Variants in KCNAB1 observed in about 807,000 individuals in gnomAD.
KCNAB1 encodes the protein voltage-gated potassium channel subunit beta-1.
KCNAB1 carries 35 observed loss-of-function variants against 64.6 expected under a neutral mutation model. That is an observed-to-expected ratio of 0.54 (90% CI 0.41 to 0.72). The LOEUF (loss-of-function observed/expected upper bound fraction) is 0.72, where lower values mean the gene tolerates loss of function less well. KCNAB1 is among the 30% of genes least tolerant of loss of function. The pLI, the probability that KCNAB1 is intolerant of heterozygous loss-of-function variation, is 0.00. For missense variants in KCNAB1, 401 were observed against 512.9 expected, an observed-to-expected ratio of 0.78 and a Z score of 2.11; for synonymous variants, 177 against 183.8, an observed-to-expected ratio of 0.96 and a Z score of 0.30.
rs1005414509 is a variant in KCNAB1 at position 156,179,162 on chromosome 3, T to A, written c.275+58276T>A. Among the ~76,000 whole-genome samples the A allele has an allele frequency of 5.9e-5, 9 of 152,180 alleles. No individual in the cohort carries two copies. In the South Asian group the frequency reaches 1.2e-3, roughly 21 times the overall value. ...ATTGAAATAGATATGAATTTATTGATGAATTGAAATTCAAGGAATATTTAC... is the reference window on the plus strand; with the variant it reads ...ATTGAAATAGATATGAATTTATTGAAGAATTGAAATTCAAGGAATATTTAC... On this transcript the variant is annotated intron_variant, in intron 1 of 13. Coordinates refer to ENST00000490337, the MANE Select transcript of KCNAB1 (RefSeq NM_172160.3).
chr3:156,184,100 T>A (rs965071716), intron 1 of KCNAB1, among the ~76,000 whole-genome samples: 4 of 152,236 alleles, frequency 2.6e-5, no homozygotes, highest in African/African-American at 9.6e-5. Context: ...ACTATTATTG[T>A]ACAAGTGGTG....
intron 1 of KCNAB1, among the ~76,000 whole-genome samples, chr3:156,187,015 C>A (rs1441955371): frequency 6.6e-6 from 1 of 151,990 alleles, no homozygotes; most frequent in African/African-American, 2.4e-5. Flanking sequence ...CCACACCTGG[C>A]TAATTTCTTT....
chr3:156,175,702 T>C lies in KCNAB1; in HGVS notation c.275+54816T>C, dbSNP rs1252910511. The stretch of plus-strand genomic sequence containing the variant: ...GCTTGCCTTAGTCATCCTGGTGAAA[T>C]GGGATAGCAGTGGTTTTTGGAATAT... On this transcript the variant is annotated intron_variant, in intron 1 of 13. Coordinates refer to ENST00000490337, the MANE Select transcript of KCNAB1 (RefSeq NM_172160.3). The C allele has an allele frequency of 2.1e-5, 11 of 518,760 alleles. No homozygotes were observed. In the East Asian group the frequency reaches 4.1e-4, roughly 19 times the overall value. The allele number at this position is 518,760 out of a possible 1,614,324, so 32.1% of individuals were successfully genotyped here.
chr3:156,424,149 A>G lies in KCNAB1; in HGVS notation c.319+2490A>G, dbSNP rs901394040. On this transcript the variant is annotated intron_variant, in intron 2 of 13. Coordinates refer to ENST00000490337, the MANE Select transcript of KCNAB1 (RefSeq NM_172160.3). ...GATCATCTTTGGGGTCACTGAACTC[A>G]CTAAAAAGTACAGCAAAACTAACAT... Among the ~76,000 whole-genome samples, 18 of 152,158 alleles carry G rather than the reference A, an allele frequency of 1.2e-4. 1 individual carries two copies. Among genetic ancestry groups the G allele is most frequent in the African/African-American group, 3.1e-4 (13 of 41,420 alleles).
intron 11 of KCNAB1, among the ~76,000 whole-genome samples, chr3:156,520,756 T>G (rs1226233913): frequency 6.6e-6 from 1 of 152,242 alleles, no homozygotes; most frequent in Non-Finnish European, 1.5e-5. Context: ...GGCTCTAGCA[T>G]TTTACCTAGA....
intron 1 of KCNAB1, among the ~76,000 whole-genome samples, chr3:156,344,379 T>C (rs1467861851): frequency 6.6e-6 from 1 of 152,238 alleles, no homozygotes; most frequent in Non-Finnish European, 1.5e-5. Flanking sequence ...TTTCCTGTTC[T>C]GAAAGCTGCT....
At chr3:156,130,670 G>T (rs966688506) in intron 1 of KCNAB1, among the ~76,000 whole-genome samples, 1 of 152,242 alleles carries the variant, frequency 6.6e-6, no homozygotes, top group Admixed American at 6.5e-5. Context: ...CCTAGTTTGG[G>T]TTGATTATTG....
chr3:156,324,288 C>T (rs1383271773), intron 1 of KCNAB1, among the ~76,000 whole-genome samples: 1 of 152,090 alleles, frequency 6.6e-6, no homozygotes, highest in East Asian at 1.9e-4. Context: ...TTCTCACAAG[C>T]CTTTAGAGTC....
intron 1 of KCNAB1, among the ~76,000 whole-genome samples, chr3:156,246,845 T>C (rs947434281): frequency 6.6e-6 from 1 of 152,144 alleles, no homozygotes; most frequent in African/African-American, 2.4e-5. Flanking sequence ...AGGTAGTGAG[T>C]GTTTATAAAC....
intron 1 of KCNAB1, among the ~76,000 whole-genome samples, chr3:156,377,800 T>C (rs913329699): frequency 1.3e-5 from 2 of 151,860 alleles, no homozygotes; most frequent in South Asian, 4.2e-4. Flanking sequence ...AAAGGCCCAG[T>C]AAAGCTTCCA....
chr3:156,202,200 C>T (rs1714378662), intron 1 of KCNAB1, among the ~76,000 whole-genome samples: 2 of 152,196 alleles, frequency 1.3e-5, no homozygotes, highest in Admixed American at 1.3e-4. Context: ...TACCACTTCT[C>T]TAAGCAGCTC....
chr3:156,448,185 C>T (rs1202984565), intron 2 of KCNAB1, among the ~76,000 whole-genome samples: 5 of 152,200 alleles, frequency 3.3e-5, no homozygotes, highest in Non-Finnish European at 7.3e-5. Context: ...TTTATACTCT[C>T]CCTTCTTTTA....
At position 156,516,568 on chromosome 3, in the gene KCNAB1, G is replaced by A. The variant is rs145236240; in HGVS notation, c.960+204G>A. On this transcript the variant is annotated intron_variant, in intron 11 of 13. Transcript: ENST00000490337. ...AGTCAGTCCTTCATAATCTGACTGC[G>A]TTGAATATTCTCTTCTTCTGGGGAC... 4.0e-3 allele frequency among the ~76,000 whole-genome samples: 613 copies of A among 152,312 alleles called. 3 individuals carry two copies. Among genetic ancestry groups the A allele is most frequent in the Middle Eastern group, 0.014 (4 of 294 alleles).
At chr3:156,364,683 C>G (rs1725836496) in intron 1 of KCNAB1, among the ~76,000 whole-genome samples, 1 of 152,090 alleles carries the variant, frequency 6.6e-6, no homozygotes, top group African/African-American at 2.4e-5. Context: ...GAGGCTGAGG[C>G]AGGAGAATTG....
chr3:156,315,769 A>G (rs900666972), intron 1 of KCNAB1, among the ~76,000 whole-genome samples: 2 of 152,244 alleles, frequency 1.3e-5, no homozygotes, highest in African/African-American at 4.8e-5. Context: ...AGTTATAGAT[A>G]TGTCTTGTTA....
intron 1 of KCNAB1, among the ~76,000 whole-genome samples, chr3:156,398,692 A>C (rs1713666923): frequency 6.6e-6 from 1 of 151,792 alleles, no homozygotes; most frequent in Non-Finnish European, 1.5e-5. Flanking sequence ...ACAAACCTAC[A>C]TGTTCAGCAC....
chr3:156,184,134 A>G (rs921807579), intron 1 of KCNAB1, among the ~76,000 whole-genome samples: 1 of 152,166 alleles, frequency 6.6e-6, no homozygotes, highest in Non-Finnish European at 1.5e-5. Flanking sequence ...TATACATACA[A>G]TTTTTTTGTC....
chr3:156,371,616 G>T (rs1031506826), intron 1 of KCNAB1, among the ~76,000 whole-genome samples: 1 of 152,064 alleles, frequency 6.6e-6, no homozygotes, highest in African/African-American at 2.4e-5. Context: ...TAAAGGAGGG[G>T]GCTCAGGGTA....
chr3:156,391,062 G>T (rs1012003845), intron 1 of KCNAB1, among the ~76,000 whole-genome samples: 1 of 152,186 alleles, frequency 6.6e-6, no homozygotes, highest in African/African-American at 2.4e-5. Context: ...GCAGGACAGG[G>T]ATATGCTCCA....
Sources: allele counts gnomAD v4.1 joint callset (sites outside exome capture counted in the v4.1 genomes callset), GRCh38; gene constraint gnomAD v4.1.1; transcripts MANE v1.5; gene names NCBI Gene and HGNC (gene_info 2026-07-23, HGNC 2026-07-21).